The following CDC40 variants were observed in gnomAD, a reference collection of about 807,000 sequenced individuals.
The protein encoded by CDC40 is pre-mRNA-processing factor 17.
In CDC40, 27 loss-of-function variants were observed where a neutral mutation model predicts 80.6. The observed-to-expected ratio is 0.33, with a 90% CI of 0.25 to 0.46. The LOEUF is 0.46. Ranked by LOEUF, CDC40 falls within the 20% of genes least tolerant of loss-of-function variation. The probability of loss-of-function intolerance (pLI) is 1.00; values close to 1 mark genes in which losing one functional copy is unlikely to be tolerated. For missense variants in CDC40, 486 were observed against 694.1 expected, an observed-to-expected ratio of 0.70 and a Z score of 3.37; for synonymous variants, 221 against 232.6, an observed-to-expected ratio of 0.95 and a Z score of 0.45.
At chr6:110,198,066 C>T (rs373333809) in intron 2 of CDC40, among the ~76,000 whole-genome samples, 7 of 152,062 alleles carry the variant, frequency 4.6e-5, no homozygotes, top group African/African-American at 1.7e-4. Context: ...ACACTTGTTA[C>T]CCTTTATCGT....
chr6:110,215,767 CA>C (rs1379315177), intron 9 of CDC40, among the ~76,000 whole-genome samples: 1 of 152,124 alleles, frequency 6.6e-6, no homozygotes, highest in African/African-American at 2.4e-5. Flanking sequence ...TGGCAATATG[CA>C]GGATGATTTG....
chr6:110,208,720 G>A (rs922778526), intron 4 of CDC40, among the ~76,000 whole-genome samples: 7 of 152,120 alleles, frequency 4.6e-5, no homozygotes, highest in Admixed American at 6.5e-5. Context: ...ATGAGTTTCT[G>A]AGTTTTTTCC....
In CDC40 at chr6:110,215,304, G is replaced by A; in HGVS notation, c.961G>A (p.Glu321Lys). The A allele has an allele frequency of 6.2e-7, 1 of 1,613,410 alleles. No individual in the cohort carries two copies. Among genetic ancestry groups the A allele is most frequent in the Non-Finnish European group, 8.5e-7 (1 of 1,179,404 alleles). ...CKIKLWEVYG[E>K]RRCLRTFIGH... ...CCCCCAGCTATGGGAGGTTTATGGA[G>A]AACGGCGCTGTCTGAGAACATTTAT... is the stretch of plus-strand genomic sequence containing the variant. Residue 321 changes from glutamate to lysine, a missense_variant, in exon 9 of 15, where the codon GAA becomes AAA. Around this residue, in one of 3 missense-constraint regions of CDC40, gnomAD observed 381 missense variants for 492.1 expected, o/e 0.77. Coordinates refer to ENST00000307731, the MANE Select transcript of CDC40 (RefSeq NM_015891.3).
chr6:110,206,176 C>T (rs112035694), intron 3 of CDC40, among the ~76,000 whole-genome samples: 3 of 152,164 alleles, frequency 2.0e-5, no homozygotes, highest in African/African-American at 7.2e-5. Context: ...CTCGCTCTGT[C>T]GCCCAGGCTG....
chr6:110,227,743 T>A (rs1777884459), intron 13 of CDC40, among the ~76,000 whole-genome samples: 1 of 152,238 alleles, frequency 6.6e-6, no homozygotes, highest in African/African-American at 2.4e-5. Context: ...AGCATTTACG[T>A]TGCATTAGGC....
chr6:110,220,771 G>C (rs1321722757), intron 12 of CDC40, among the ~76,000 whole-genome samples: 1 of 152,132 alleles, frequency 6.6e-6, no homozygotes, highest in East Asian at 1.9e-4. Context: ...CATGGCGGCA[G>C]CAAGAGAGGG....
chr6:110,184,210 C>A (rs534712456), intron 1 of CDC40, among the ~76,000 whole-genome samples: 2 of 152,206 alleles, frequency 1.3e-5, no homozygotes, highest in South Asian at 4.1e-4. Flanking sequence ...TAGGGCAGTT[C>A]CCTTGCCCTT....
intron 1 of CDC40, among the ~76,000 whole-genome samples, chr6:110,186,705 A>C (rs2114647635): frequency 6.6e-6 from 1 of 152,128 alleles, no homozygotes; most frequent in South Asian, 2.1e-4. Context: ...ACCTTTTAAG[A>C]CCCGCACCCC....
chr6:110,196,494 A>C (rs1251828584), intron 2 of CDC40, among the ~76,000 whole-genome samples: 1 of 152,162 alleles, frequency 6.6e-6, no homozygotes, highest in East Asian at 1.9e-4. Context: ...AAAATGTATT[A>C]ATTAGCTTCT....
chr6:110,226,353 C>A, intron 13 of CDC40, 110 bp downstream of exon 13: 1 of 612,292 alleles, frequency 1.6e-6, no homozygotes, highest in Admixed American at 2.8e-5. Flanking sequence ...TGTCACTGTG[C>A]CATTATTTGT....
chr6:110,215,542 C>T (rs1015242908), intron 9 of CDC40, among the ~76,000 whole-genome samples: 13 of 152,112 alleles, frequency 8.5e-5, no homozygotes, highest in Admixed American at 7.9e-4. Context: ...TGTGAGACAG[C>T]GTGCTGCTGA....
chr6:110,228,776 A>G, intron 13 of CDC40, 56 bp from the exon 14 acceptor site: 1 of 1,369,236 alleles, frequency 7.3e-7, no homozygotes, highest in Non-Finnish European at 9.9e-7. Flanking sequence ...TAAAATAAAA[A>G]GTTTTAAAAA....
chr6:110,188,503 C>A (rs1389729763), intron 1 of CDC40, among the ~76,000 whole-genome samples: 3 of 152,128 alleles, frequency 2.0e-5, no homozygotes, highest in Non-Finnish European at 4.4e-5. Context: ...TTTCAATGGC[C>A]TAGCATTTGA....
chr6:110,216,630 A>T (rs756802491), intron 9 of CDC40, among the ~76,000 whole-genome samples: 1 of 152,124 alleles, frequency 6.6e-6, no homozygotes, highest in East Asian at 1.9e-4. Flanking sequence ...TTACCATGAC[A>T]CGTACCTCCT....
intron 12 of CDC40, among the ~76,000 whole-genome samples, chr6:110,222,750 AC>A (rs1284820775): frequency 6.6e-6 from 1 of 152,196 alleles, no homozygotes; most frequent in Non-Finnish European, 1.5e-5. Flanking sequence ...CAAGTTCTTA[AC>A]CATGAGAGAA....
At chr6:110,220,259 T>C (rs1202221622) in intron 12 of CDC40, among the ~76,000 whole-genome samples, 2 of 152,142 alleles carry the variant, frequency 1.3e-5, no homozygotes, top group Non-Finnish European at 2.9e-5. Flanking sequence ...GGTGTATATC[T>C]TAATTTTTTA....
intron 1 of CDC40, among the ~76,000 whole-genome samples, chr6:110,187,883 T>A (rs1777295455): frequency 6.6e-6 from 1 of 152,220 alleles, no homozygotes; most frequent in Non-Finnish European, 1.5e-5. Flanking sequence ...AATTTGTTAT[T>A]CTGTGGTAAT....
At chr6:110,200,603 T>G (rs75170927) in intron 2 of CDC40, among the ~76,000 whole-genome samples, 2,858 of 152,236 alleles carry the variant, frequency 0.019, 87 homozygotes, top group African/African-American at 0.066. Context: ...TTCTGGTAAT[T>G]TTTTACTCAA....
chr6:110,180,439 G>A lies in CDC40; in HGVS notation c.-6G>A. 6.2e-7 allele frequency: 1 copy of A among 1,614,006 alleles called. No homozygotes were observed. The highest frequency in any genetic ancestry group is 1.1e-5 in the South Asian group (1 of 91,084). ...GCAGGGTCTCCGCAGAAGATTTGTT[G>A]CCGTCATGTCGGCTGCGATTGCAGC... On this transcript the variant is annotated 5_prime_UTR_variant, in exon 1 of 15. Coordinates refer to ENST00000307731, the MANE Select transcript of CDC40 (RefSeq NM_015891.3).
Sources: gnomAD v4.1 joint callset for allele counts (sites outside exome capture counted in the v4.1 genomes callset) on GRCh38, gnomAD v4.1.1 for gene constraint, gnomAD v4.1.1 regional missense constraint, MANE v1.5 for transcripts, NCBI Gene and HGNC (gene_info 2026-07-23, HGNC 2026-07-21) for gene names.